The following ZNF33A variants were observed in gnomAD, a reference collection of about 807,000 sequenced individuals.
ZNF33A encodes brain my041 protein.
ZNF33A carries 9 observed loss-of-function variants against 15.9 expected under a neutral mutation model. That is an observed-to-expected ratio of 0.57 (90% CI 0.34 to 0.99). The LOEUF is 0.99. Among genes scored for constraint, ZNF33A ranks in the 50% least tolerant of loss-of-function variants. ZNF33A has a pLI of 0.02. For synonymous variants in ZNF33A, 294 were observed against 324.2 expected (o/e 0.91, Z 1.00); for missense variants, 843 against 941.6 (o/e 0.90, Z 1.37).
At chr10:38,022,620 T>C (rs2135574768) in intron 4 of ZNF33A, among the ~76,000 whole-genome samples, 1 of 144,596 alleles carries the variant, frequency 6.9e-6, no homozygotes, top group East Asian at 2.0e-4. Context: ...ACTGCTCCAT[T>C]GTACTCTAGC....
At chr10:38,035,208 C>T (rs2065394864) in intron 4 of ZNF33A, among the ~76,000 whole-genome samples, 1 of 148,144 alleles carries the variant, frequency 6.8e-6, no homozygotes, top group East Asian at 2.0e-4. Flanking sequence ...ACCTCCGCCT[C>T]CTGGGTTCAA....
intron 4 of ZNF33A, among the ~76,000 whole-genome samples, chr10:38,043,556 AG>A: frequency 6.6e-6 from 1 of 152,148 alleles, no homozygotes; most frequent in African/African-American, 2.4e-5. Flanking sequence ...TGTAAGTCTT[AG>A]CTTCTTTATT....
At chr10:38,064,033 A>C (rs960270355), downstream of ZNF33A, 4 of 1,551,014 alleles carry the variant, frequency 2.6e-6, no homozygotes, top group African/African-American at 2.7e-5. Flanking sequence ...TCTTCACATC[A>C]ACCCTACGAC....
downstream of ZNF33A, among the ~76,000 whole-genome samples, chr10:38,067,190 A>T (rs772455297): frequency 6.6e-6 from 1 of 152,192 alleles, no homozygotes; most frequent in Admixed American, 6.5e-5. Flanking sequence ...CCCATCAATG[A>T]ATACACCAGA....
chr10:38,020,459 G>GT (rs1447649242), intron 4 of ZNF33A, among the ~76,000 whole-genome samples: 1 of 151,926 alleles, frequency 6.6e-6, no homozygotes, highest in Non-Finnish European at 1.5e-5. Flanking sequence ...CTTTCTAAAG[G>GT]TTTTTTTCTA....
chr10:38,061,085 G>T (rs558467963), downstream of ZNF33A, among the ~76,000 whole-genome samples: 1 of 152,226 alleles, frequency 6.6e-6, no homozygotes, highest in East Asian at 1.9e-4. Context: ...GGTCTGGCTG[G>T]AGCTCTCTGA....
chr10:38,043,482 AAAC>A (rs1222365815), intron 4 of ZNF33A, among the ~76,000 whole-genome samples: 3 of 148,192 alleles, frequency 2.0e-5, no homozygotes, highest in Non-Finnish European at 4.5e-5. Flanking sequence ...ATGTACCCTA[AAAC>A]TTAAAGTATA....
In ZNF33A at chr10:38,056,174, G is replaced by T; in HGVS notation, c.2050G>T (p.Glu684Ter). 1 of 1,613,834 alleles carries T rather than the reference G, an allele frequency of 6.2e-7. No individual in the cohort carries two copies. Among genetic ancestry groups the T allele is most frequent in the Non-Finnish European group, 8.5e-7 (1 of 1,179,918 alleles). The stretch of plus-strand genomic sequence containing the variant: ...TGTAAAATCAGGACTTATTTTCCAT[G>T]AGAGAAAGCACACGGGGGAGAAACC... ...FCVKSGLIFH[E>*]RKHTGEKPYE... The change falls in exon 5 of 5, where the codon GAG becomes TAG. Residue 684 changes from glutamate (E) to a stop codon, truncating the protein, a stop_gained. Coordinates refer to ENST00000432900, the MANE Select transcript of ZNF33A (RefSeq NM_006954.2). LOFTEE classifies it low-confidence loss of function (END_TRUNC).
At chr10:38,061,600 C>G (rs1294729904), downstream of ZNF33A, among the ~76,000 whole-genome samples, 2 of 152,130 alleles carry the variant, frequency 1.3e-5, no homozygotes, top group African/African-American at 4.8e-5. Flanking sequence ...GGGAGAGTGA[C>G]TGTGACATCC....
At chr10:38,028,279 T>TA (rs1564845177) in intron 4 of ZNF33A, among the ~76,000 whole-genome samples, 8 of 151,630 alleles carry the variant, frequency 5.3e-5, no homozygotes, top group South Asian at 2.1e-4. Flanking sequence ...AATAAATAAA[T>TA]AAATAAAATA....
At chr10:38,032,345 A>G (rs541527874) in intron 4 of ZNF33A, among the ~76,000 whole-genome samples, 48 of 152,360 alleles carry the variant, frequency 3.2e-4, no homozygotes, top group Admixed American at 1.1e-3. Flanking sequence ...CTTGAGAATT[A>G]TATGAGATAT....
Position 38,056,702 on chromosome 10 carries a change from G to T in ZNF33A, c.*142G>T. ...GTTAATACGGGCATAACACCTTACAGATTTTTTTTGAATTTGTGAAAGTTT... is the reference window on the plus strand; with the variant it reads ...GTTAATACGGGCATAACACCTTACATATTTTTTTTGAATTTGTGAAAGTTT... On this transcript the variant is annotated 3_prime_UTR_variant, in exon 5 of 5. Transcript: ENST00000432900. The T allele has an allele frequency of 8.0e-7, 1 of 1,256,400 alleles. No individual in the cohort carries two copies. The highest frequency in any genetic ancestry group is 1.0e-6 in the Non-Finnish European group (1 of 1,000,286). 77.8% of individuals were successfully genotyped at this position (1,256,400 alleles called of 1,614,324 possible). A position where few individuals can be genotyped will look rare whatever the true frequency, so the allele number is the denominator to read the frequency against.
chr10:38,063,418 ATTAT>A (rs138145857), downstream of ZNF33A, among the ~76,000 whole-genome samples: 1,366 of 152,328 alleles, frequency 9.0e-3, 8 homozygotes, highest in Middle Eastern at 0.02. Context: ...CTTGACAAAA[ATTAT>A]TTATAACAAA....
At chr10:38,065,498 G>C (rs1305393860), downstream of ZNF33A, among the ~76,000 whole-genome samples, 1 of 152,204 alleles carries the variant, frequency 6.6e-6, no homozygotes, top group African/African-American at 2.4e-5. Flanking sequence ...TTGTAAAACT[G>C]TTACATCTGT....
intron 4 of ZNF33A, among the ~76,000 whole-genome samples, chr10:38,034,923 ATATACT>A (rs1391296171): frequency 7.2e-5 from 11 of 152,098 alleles, no homozygotes; most frequent in Non-Finnish European, 1.0e-4. Flanking sequence ...AAACCATGTA[ATATACT>A]TATAAATAGT....
chr10:38,065,612 C>A (rs757618648), downstream of ZNF33A, among the ~76,000 whole-genome samples: 1 of 152,134 alleles, frequency 6.6e-6, no homozygotes, highest in African/African-American at 2.4e-5. Flanking sequence ...CAGATCCAGC[C>A]TCATTCTACA....
rs115076948 is a variant in ZNF33A at position 38,011,003 on chromosome 10, T to A, written c.-45+220T>A. Among the ~76,000 whole-genome samples, 1,699 of 152,078 alleles carry A rather than the reference T, an allele frequency of 0.011. 35 individuals carry two copies. Among genetic ancestry groups the A allele is most frequent in the African/African-American group, 0.038 (1,574 of 41,516 alleles). On this transcript the variant is annotated intron_variant, in intron 1 of 4. Coordinates refer to ENST00000432900, the MANE Select transcript of ZNF33A (RefSeq NM_006954.2). Reference sequence around the variant, plus strand: ...GGGTACGCAGCGTGTGTCGCCCCATTTGTGGGGGCCGCGGAGGAGGGCATG... The same window carrying A: ...GGGTACGCAGCGTGTGTCGCCCCATATGTGGGGGCCGCGGAGGAGGGCATG...
intron 2 of ZNF33A, among the ~76,000 whole-genome samples, chr10:38,015,286 C>T (rs2064396867): frequency 6.6e-6 from 1 of 151,862 alleles, no homozygotes; most frequent in African/African-American, 2.4e-5. Context: ...GTCCTTGTTT[C>T]ATTCTTGATC....
rs2066631826 is a variant in ZNF33A at position 38,059,966 on chromosome 10, AT to A, written c.*3408del. 2 of 656,158 alleles carry A rather than the reference AT, an allele frequency of 3.0e-6. No homozygotes were observed. Among genetic ancestry groups the A allele is most frequent in the South Asian group, 1.4e-4 (2 of 14,782 alleles). 40.6% of individuals were successfully genotyped at this position (656,158 alleles called of 1,614,324 possible). A position where few individuals can be genotyped will look rare whatever the true frequency, so the allele number is the denominator to read the frequency against. On this transcript the variant is annotated 3_prime_UTR_variant, in exon 5 of 5. Transcript: ENST00000432900. ...TGGGAGGGGAAAGGGTTATATGAGA[AT>A]TCTCTATACTTTTTGCTCAACTTTC... is the stretch of plus-strand genomic sequence containing the variant.
Sources: allele counts gnomAD v4.1 joint callset (sites outside exome capture counted in the v4.1 genomes callset), GRCh38; gene constraint gnomAD v4.1.1; transcripts MANE v1.5; gene names NCBI Gene and HGNC (gene_info 2026-07-23, HGNC 2026-07-21).